ANXA2R: variants seen among roughly 807,000 people sequenced by gnomAD.
ANXA2R encodes annexin A2 receptor, also known as annexin-2 receptor.
For synonymous variants in ANXA2R, 93 were observed against 93.6 expected (o/e 0.99, Z 0.04); for missense variants, 244 against 241.5 (o/e 1.01, Z -0.07).
At chr5:43,040,888 G>A (rs977459112), upstream of ANXA2R, 3 of 152,150 alleles carry the variant, frequency 2.0e-5, no homozygotes, top group Non-Finnish European at 4.4e-5. Flanking sequence ...GAGAACCTAA[G>A]GACCCCGCGA....
Position 43,039,765 on chromosome 5 carries a change from C to G in ANXA2R, c.282G>C (p.Pro94=), listed in dbSNP as rs1048867218. 6.2e-7 allele frequency: 1 copy of G among 1,614,192 alleles called. No individual in the cohort carries two copies. ...STAKPTEFSW[P]GTQKQQEAPV... ...GTGCCTCTTGCTGCTTCTGTGTCCC[C>G]GGCCAACTGAACTCAGTGGGCTTCG... The change falls in exon 1 of 1, where the codon CCG becomes CCC. Residue 94 remains proline, a synonymous_variant. Transcript: ENST00000616064.
upstream of ANXA2R, chr5:43,042,867 T>TC (rs936046911): frequency 2.0e-5 from 3 of 152,574 alleles, no homozygotes; most frequent in Admixed American, 6.5e-5. The surrounding 1 kb of genome is among the most constrained non-coding windows in gnomAD (Gnocchi z 5.6). Context: ...AATCAGTGGT[T>TC]CTGCGATCCA....
At position 43,039,968 on chromosome 5, in the gene ANXA2R, T is replaced by C. The variant is rs1032381589; in HGVS notation, c.79A>G (p.Ile27Val). ...EVAPEPQPPPIVSSEDRGPWP... is the reference protein window; with the variant it reads ...EVAPEPQPPPVVSSEDRGPWP... Reference sequence around the variant, plus strand: ...GGCCCACGATCTTCTGAACTCACAATAGGTGGAGGCTGGGGCTCTGGCGCC... The same window carrying C: ...GGCCCACGATCTTCTGAACTCACAACAGGTGGAGGCTGGGGCTCTGGCGCC... Residue 27 changes from isoleucine (I) to valine (V), a missense_variant, in exon 1 of 1, where the codon ATT becomes GTT. Physicochemically the swap from Ile to Val is conservative, Grantham distance 29. Coordinates refer to ENST00000616064, the MANE Select transcript of ANXA2R (RefSeq NM_001014279.3). 29 of 1,613,914 alleles carry C rather than the reference T, an allele frequency of 1.8e-5. No homozygotes were observed. The highest frequency in any genetic ancestry group is 2.3e-5 in the Non-Finnish European group (27 of 1,180,030).
rs1054428 is a variant in ANXA2R at position 43,039,691 on chromosome 5, T to A, written c.356A>T (p.Gln119Leu). ...QAEEPDRLRL[Q>L]QLPWSSPLHP... ...GAGAGGACTGCTCCAGGGAAGCTGC[T>A]GGAGCCTGAGTCTGTCGGGTTCCTC... The change falls in exon 1 of 1, where the codon CAG becomes CTG. Residue 119 changes from glutamine to leucine, a missense_variant. Gln to Leu is a moderately radical substitution (Grantham distance 113). Coordinates refer to ENST00000616064, the MANE Select transcript of ANXA2R (RefSeq NM_001014279.3). 1.2e-6 allele frequency: 2 copies of A among 1,613,566 alleles called. No individual in the cohort carries two copies. The highest frequency in any genetic ancestry group is 1.1e-5 in the South Asian group (1 of 91,032).
rs768074328 is a variant in ANXA2R at position 43,039,738 on chromosome 5, G to C, written c.309C>G (p.Pro103=). The C allele has an allele frequency of 6.2e-7, 1 of 1,614,196 alleles. No individual in the cohort carries two copies. The highest frequency in any genetic ancestry group is 1.1e-5 in the South Asian group (1 of 91,080). The change falls in exon 1 of 1, where the codon CCC becomes CCG. Residue 103 remains proline, a synonymous_variant. Coordinates refer to ENST00000616064, the MANE Select transcript of ANXA2R (RefSeq NM_001014279.3). ...WPGTQKQQEA[P]VEEVGQAEEP... The stretch of plus-strand genomic sequence containing the variant: ...CCTCTGCCTGCCCCACCTCTTCTAC[G>C]GGTGCCTCTTGCTGCTTCTGTGTCC...
At chr5:43,042,855 G>C (rs553786905), upstream of ANXA2R, 5 of 152,656 alleles carry the variant, frequency 3.3e-5, no homozygotes, top group Non-Finnish European at 7.3e-5. This position sits in a 1 kb window ranked among gnomAD's most constrained non-coding sequence, Gnocchi z 5.6. Flanking sequence ...CCAGCTCCGC[G>C]CAATCAGTGG....
upstream of ANXA2R, chr5:43,040,350 A>G (rs1191910137): frequency 3.5e-6 from 1 of 281,896 alleles, no homozygotes; most frequent in Non-Finnish European, 7.1e-6. Flanking sequence ...GGTATTCAAG[A>G]GCGCGCAAGG....
chr5:43,039,463 ATCT>A lies in ANXA2R; in HGVS notation c.581_*1del. On this transcript the variant is annotated stop_lost and 3_prime_UTR_variant, in exon 1 of 1. Coordinates refer to ENST00000616064, the MANE Select transcript of ANXA2R (RefSeq NM_001014279.3). ...AGAATCCAAAAAGCCTTCTGCTGCT[ATCT>A]AAGGCTGCTTAGCTCCACAGATCCG... 1 of 1,540,260 alleles carries A rather than the reference ATCT, an allele frequency of 6.5e-7. No individual in the cohort carries two copies. Among genetic ancestry groups the A allele is most frequent in the Non-Finnish European group, 8.7e-7 (1 of 1,144,536 alleles).
chr5:43,041,038 T>C (rs996572047), upstream of ANXA2R: 1 of 151,978 alleles, frequency 6.6e-6, no homozygotes, highest in African/African-American at 2.4e-5. Flanking sequence ...CCAGCGAGGC[T>C]AAGACCGAGC....
At chr5:43,040,506 C>T (rs1387691349), upstream of ANXA2R, 1 of 159,318 alleles carries the variant, frequency 6.3e-6, no homozygotes, top group African/African-American at 2.5e-5. Flanking sequence ...GCTGGTATTG[C>T]CAAACAAATA....
At chr5:43,042,915 A>G (rs1411248267), upstream of ANXA2R, 1 of 152,248 alleles carries the variant, frequency 6.6e-6, no homozygotes, top group African/African-American at 2.4e-5. The surrounding 1 kb of genome is among the most constrained non-coding windows in gnomAD (Gnocchi z 5.6). Flanking sequence ...ACTTCTAAAA[A>G]ACTGTCGTCC....
upstream of ANXA2R, chr5:43,042,503 T>C (rs1742217122): frequency 6.6e-6 from 1 of 152,116 alleles, no homozygotes; most frequent in South Asian, 2.1e-4. The surrounding 1 kb of genome is among the most constrained non-coding windows in gnomAD (Gnocchi z 5.6). Context: ...GTGCAGCAAG[T>C]GCTGTGACAG....
At position 43,039,573 on chromosome 5, in the gene ANXA2R, G is replaced by T; in HGVS notation, c.474C>A (p.His158Gln). 1 of 1,614,018 alleles carries T rather than the reference G, an allele frequency of 6.2e-7. No individual in the cohort carries two copies. Among genetic ancestry groups the T allele is most frequent in the Admixed American group, 1.7e-5 (1 of 60,012 alleles). The stretch of plus-strand genomic sequence containing the variant: ...CCAGGCAGTCTGAGAAACCCGGGAG[G>T]TGGCGCCACGGCTGGAGGGCAGGAG... Reference protein sequence around the residue: ...RHPPALQPWRHLPGFSDCLEW... With the variant: ...RHPPALQPWRQLPGFSDCLEW... Residue 158 changes from histidine to glutamine, a missense_variant, in exon 1 of 1, where the codon CAC becomes CAA. Coordinates refer to ENST00000616064, the MANE Select transcript of ANXA2R (RefSeq NM_001014279.3).
At chr5:43,040,327 G>A (rs1742171152), upstream of ANXA2R, 3 of 347,008 alleles carry the variant, frequency 8.6e-6, no homozygotes, top group Non-Finnish European at 1.7e-5. Context: ...GAGAACTAGC[G>A]CTACAGAACG....
chr5:43,042,194 TC>T, upstream of ANXA2R: 1 of 150,628 alleles, frequency 6.6e-6, no homozygotes, highest in Non-Finnish European at 1.5e-5. The surrounding 1 kb of genome is among the most constrained non-coding windows in gnomAD (Gnocchi z 5.6). Context: ...AGCGTCGGGC[TC>T]CCCCCGCCCA....
upstream of ANXA2R, chr5:43,042,590 G>C (rs1742220126): frequency 6.5e-6 from 1 of 152,742 alleles, no homozygotes; most frequent in South Asian, 2.1e-4. The surrounding 1 kb of genome is among the most constrained non-coding windows in gnomAD (Gnocchi z 5.6). Context: ...GCCGGCACTA[G>C]AGGGCCTCGG....
chr5:43,040,264 A>C lies in ANXA2R; in HGVS notation c.-218T>G. 2.1e-6 allele frequency: 1 copy of C among 476,172 alleles called. No homozygotes were observed. The highest frequency in any genetic ancestry group is 3.8e-6 in the Non-Finnish European group (1 of 261,684). 29.5% of individuals were successfully genotyped at this position (476,172 alleles called of 1,614,324 possible). ...CAAAACGAACCGTAATTCCGACAGA[A>C]AAACATGGCGAGAAAAGAAACCGAA... On this transcript the variant is annotated 5_prime_UTR_variant, in exon 1 of 1. Coordinates refer to ENST00000616064, the MANE Select transcript of ANXA2R (RefSeq NM_001014279.3).
upstream of ANXA2R, chr5:43,041,598 T>C (rs982821865): frequency 3.3e-5 from 5 of 151,102 alleles, no homozygotes; most frequent in African/African-American, 1.2e-4. Flanking sequence ...AAACCAAACT[T>C]GGTATAAGAG....
rs1742166858 is a variant in ANXA2R at position 43,040,182 on chromosome 5, T to C, written c.-136A>G. On this transcript the variant is annotated 5_prime_UTR_variant, in exon 1 of 1. Transcript: ENST00000616064. The stretch of plus-strand genomic sequence containing the variant: ...TATTAAGAAACTCAGTAGTAACAAA[T>C]GCACGAAAATTAGTAGACAAATGAA... 1 of 693,912 alleles carries C rather than the reference T, an allele frequency of 1.4e-6. No homozygotes were observed. Among genetic ancestry groups the C allele is most frequent in the Non-Finnish European group, 2.4e-6 (1 of 423,674 alleles). The allele number at this position is 693,912 out of a possible 1,614,324, so 43.0% of individuals were successfully genotyped here.
Sources: gnomAD v4.1 joint callset for allele counts on GRCh38, gnomAD v4.1.1 for gene constraint, Gnocchi (gnomAD v3.1) non-coding constraint, MANE v1.5 for transcripts, NCBI Gene and HGNC (gene_info 2026-07-23, HGNC 2026-07-21) for gene names.